The following TRIM48 variants were observed in gnomAD, a reference collection of about 807,000 sequenced individuals.
The protein encoded by TRIM48 is tripartite motif containing 48, also known as E3 ubiquitin-protein ligase TRIM48.
TRIM48 carries 31 observed loss-of-function variants against 29.5 expected under a neutral mutation model. That is an observed-to-expected ratio of 1.05 (90% CI 0.79 to 1.42). The LOEUF (loss-of-function observed/expected upper bound fraction) is 1.42, where lower values mean the gene tolerates loss of function less well. Ranked by LOEUF, TRIM48 falls within the 40% of genes most tolerant of loss-of-function variation. The pLI, the probability that TRIM48 is intolerant of heterozygous loss-of-function variation, is 0.00. For missense variants in TRIM48, 344 were observed against 265.0 expected (o/e 1.30, Z -2.07); for synonymous variants, 128 against 90.6 (o/e 1.41, Z -2.34).
At chr11:55,268,489 C>A in intron 4 of TRIM48, 117 bp downstream of exon 4, 2 of 1,021,362 alleles carry the variant, frequency 2.0e-6, no homozygotes, top group African/African-American at 1.6e-5. Flanking sequence ...TTTTTTGCAT[C>A]TTCTTTCATT....
intron 1 of TRIM48, among the ~76,000 whole-genome samples, chr11:55,263,081 C>A (rs1441415605): frequency 6.6e-6 from 1 of 152,118 alleles, no homozygotes; most frequent in Non-Finnish European, 1.5e-5. Flanking sequence ...TATATGTATA[C>A]ATGTAGAGAT....
rs1392010504 is a variant in TRIM48 at position 55,262,319 on chromosome 11, A to G, written c.44+8A>G. 17 of 1,537,828 alleles carry G rather than the reference A, an allele frequency of 1.1e-5. No homozygotes were observed. The highest frequency in any genetic ancestry group is 2.0e-5 in the Admixed American group (1 of 50,922). On this transcript the variant is annotated splice_region_variant and intron_variant, in intron 1 of 5. Coordinates refer to ENST00000417545, the MANE Select transcript of TRIM48 (RefSeq NM_024114.5). ...CCTTCAAAGAACCCAGCGGTGAGTG[A>G]AACTTATATTGATAAAATTATATCT...
At chr11:55,267,918 G>A (rs1857418105) in intron 3 of TRIM48, among the ~76,000 whole-genome samples, 1 of 147,732 alleles carries the variant, frequency 6.8e-6, no homozygotes, top group African/African-American at 2.5e-5. Flanking sequence ...TACATTTAGG[G>A]TTGTCAAACA....
At chr11:55,267,259 G>T in intron 3 of TRIM48, 1 of 905,318 alleles carries the variant, frequency 1.1e-6, no homozygotes, top group African/African-American at 1.7e-5. Flanking sequence ...TATGCAGAAA[G>T]AAAGGAAAGG....
intron 3 of TRIM48, among the ~76,000 whole-genome samples, chr11:55,266,207 CAT>C (rs1857390105): frequency 6.8e-6 from 1 of 147,472 alleles, no homozygotes; most frequent in Non-Finnish European, 1.5e-5. Context: ...TAATACATAA[CAT>C]ATGATGAGAA....
intron 3 of TRIM48, 26 bp from the exon 4 acceptor site, chr11:55,268,324 A>T (rs768676686): frequency 6.6e-7 from 1 of 1,518,840 alleles, no homozygotes; most frequent in African/African-American, 1.5e-5. Flanking sequence ...AACTGCACTA[A>T]ATCTTTCTAT....
chr11:55,269,134 C>A (rs1054550244), intron 4 of TRIM48, 108 bp from the exon 5 acceptor site: 3 of 1,420,658 alleles, frequency 2.1e-6, no homozygotes, highest in African/African-American at 2.9e-5. Context: ...TTTGAATTAT[C>A]AAATTTGTGG....
At position 55,265,811 on chromosome 11, in the gene TRIM48, AAAG is replaced by A. The variant is rs1228392476; in HGVS notation, c.555+118_555+120del. ...TTTCTGGGAGTCAAAAAAAAAAAAA[AAAG>A]AGAAGAAAACATTGAGAAAAAATGG... On this transcript the variant is annotated intron_variant, in intron 3 of 5. Transcript: ENST00000417545. 3.6e-5 allele frequency: 43 copies of A among 1,179,046 alleles called. 2 individuals carry two copies. In the African/African-American group the frequency reaches 6.2e-4, roughly 17 times the overall value. 73.0% of individuals were successfully genotyped at this position (1,179,046 alleles called of 1,614,324 possible).
In TRIM48 at chr11:55,270,740, A is replaced by T; in HGVS notation, c.*305A>T. ...CTTGGGTGTGTTAAGAACGACATTC[A>T]GTGCAGTCTCTTTACCACCTCCCCA... is the stretch of plus-strand genomic sequence containing the variant. On this transcript the variant is annotated 3_prime_UTR_variant, in exon 6 of 6. Transcript: ENST00000417545. 1.3e-6 allele frequency: 2 copies of T among 1,564,674 alleles called. No homozygotes were observed. Among genetic ancestry groups the T allele is most frequent in the South Asian group, 1.2e-5 (1 of 83,034 alleles).
In TRIM48 at chr11:55,271,034, G is replaced by C. The variant is rs180808520; in HGVS notation, c.*599G>C. The C allele has an allele frequency of 1.4e-5, 19 of 1,394,088 alleles. No individual in the cohort carries two copies. The highest frequency in any genetic ancestry group is 1.8e-5 in the Non-Finnish European group (19 of 1,043,984). The allele number at this position is 1,394,088 out of a possible 1,614,324, so 86.4% of individuals were successfully genotyped here. A position where few individuals can be genotyped will look rare whatever the true frequency, so the allele number is the denominator to read the frequency against. Reference sequence around the variant, plus strand: ...CTTATCAAACAGGACAAATAGGTTCGGTTTTATGTCTTGAATTGCATTCTA... The same window carrying C: ...CTTATCAAACAGGACAAATAGGTTCCGTTTTATGTCTTGAATTGCATTCTA... On this transcript the variant is annotated 3_prime_UTR_variant, in exon 6 of 6. Coordinates refer to ENST00000417545, the MANE Select transcript of TRIM48 (RefSeq NM_024114.5).
At chr11:55,268,867 C>A (rs1857433969) in intron 4 of TRIM48, among the ~76,000 whole-genome samples, 2 of 148,018 alleles carry the variant, frequency 1.4e-5, no homozygotes, top group African/African-American at 2.5e-5. Flanking sequence ...CATTCTTTAT[C>A]TTGAAAAGGA....
chr11:55,269,746 T>A (rs1365820194), intron 5 of TRIM48, among the ~76,000 whole-genome samples: 1 of 147,518 alleles, frequency 6.8e-6, no homozygotes, highest in Non-Finnish European at 1.5e-5. Context: ...ATTCTTGGGG[T>A]TTTTTAATTT....
At position 55,264,959 on chromosome 11, in the gene TRIM48, T is replaced by C. The variant is rs560602745; in HGVS notation, c.104T>C (p.Met35Thr). 3.8e-6 allele frequency: 6 copies of C among 1,584,482 alleles called. 1 individual carries two copies. In the East Asian group the frequency reaches 9.6e-5, roughly 25 times the overall value. ...FQRELTCPIC[M>T]NYFIDPVTID... ...AGGGAACTCACCTGCCCCATCTGCA[T>C]GAACTACTTCATAGACCCGGTCACC... Residue 35 changes from methionine (M) to threonine (T), a missense_variant, in exon 2 of 6, where the codon ATG (methionine) becomes ACG (threonine). Physicochemically the swap from Met to Thr is moderately conservative, Grantham distance 81 (BLOSUM62 -1). Coordinates refer to ENST00000417545, the MANE Select transcript of TRIM48 (RefSeq NM_024114.5).
intron 5 of TRIM48, 142 bp downstream of exon 5, chr11:55,269,481 A>G (rs2120117250): frequency 8.4e-7 from 1 of 1,195,420 alleles, no homozygotes; most frequent in Non-Finnish European, 1.1e-6. Context: ...ACCCTTTTGT[A>G]TCTGTGTCTG....
chr11:55,266,325 A>C (rs961185765), intron 3 of TRIM48, among the ~76,000 whole-genome samples: 1 of 147,714 alleles, frequency 6.8e-6, no homozygotes, highest in Non-Finnish European at 1.5e-5. Context: ...ACTTCAGAAA[A>C]ATATTAAAAA....
intron 1 of TRIM48, among the ~76,000 whole-genome samples, chr11:55,263,393 C>T (rs1322654577): frequency 6.6e-6 from 1 of 152,064 alleles, no homozygotes; most frequent in African/African-American, 2.4e-5. Context: ...TGACTCATGC[C>T]TGTAATCCCA....
At chr11:55,269,456 C>A (rs1220424807) in intron 5 of TRIM48, 117 bp downstream of exon 5, 2 of 1,317,296 alleles carry the variant, frequency 1.5e-6, no homozygotes, top group East Asian at 2.9e-5. Context: ...CATAAGAGAA[C>A]AATATAATCA....
In TRIM48 at chr11:55,265,392, T is replaced by C. The variant is rs569565053; in HGVS notation, c.459+78T>C. ...TGGCCCTATTTTCTTGGAGATTGGG[T>C]AAAGCCAACTCTGAGTCCCTTTAAG... On this transcript the variant is annotated intron_variant, in intron 2 of 5. Transcript: ENST00000417545. The C allele has an allele frequency of 1.4e-4, 224 of 1,563,200 alleles. 22 individuals are homozygous for C. In the African/African-American group the frequency reaches 2.3e-3, roughly 16 times the overall value.
rs1857469490 is a variant in TRIM48 at position 55,270,624 on chromosome 11, C to T, written c.*189C>T. The T allele has an allele frequency of 1.3e-6, 2 of 1,582,436 alleles. 1 individual carries two copies. The highest frequency in any genetic ancestry group is 3.4e-5 in the Admixed American group (2 of 58,284). On this transcript the variant is annotated 3_prime_UTR_variant, in exon 6 of 6. Transcript: ENST00000417545. ...ATTACTGGGAGGTCCATGTGGGGGA[C>T]TCTTGGAATTGGGCTTTTGGTGTCT... is the stretch of plus-strand genomic sequence containing the variant.
Sources: gnomAD v4.1 joint callset for allele counts (sites outside exome capture counted in the v4.1 genomes callset) on GRCh38, gnomAD v4.1.1 for gene constraint, MANE v1.5 for transcripts, NCBI Gene and HGNC (gene_info 2026-07-23, HGNC 2026-07-21) for gene names.